CMIP: variants seen among roughly 807,000 people sequenced by gnomAD.
CMIP encodes the protein C-Maf-inducing protein.
Under a neutral mutation model 97.3 loss-of-function variants are expected in CMIP, and 13 were observed. The ratio of observed to expected loss-of-function variants is 0.13; its 90% CI spans 0.09 to 0.21. The LOEUF is 0.21. CMIP is among the 10% of genes least tolerant of loss of function. The pLI is 1.00. For missense variants in CMIP, 847 were observed against 1,024.9 expected (o/e 0.83, Z 2.37); for synonymous variants, 538 against 436.3 (o/e 1.23, Z -2.91).
At chr16:81,615,960 C>T (rs1481127929) in intron 2 of CMIP, among the ~76,000 whole-genome samples, 1 of 151,538 alleles carries the variant, frequency 6.6e-6, no homozygotes, top group Non-Finnish European at 1.5e-5. Context: ...CCAGCCTAAA[C>T]GGGGGTGGGG....
intron 1 of CMIP, among the ~76,000 whole-genome samples, chr16:81,485,633 G>T (rs747948001): frequency 6.6e-6 from 1 of 152,208 alleles, no homozygotes; most frequent in Non-Finnish European, 1.5e-5. Context: ...GTATGTTTAC[G>T]CAGCCCGTGG....
At chr16:81,578,322 A>T (rs1187283599) in intron 1 of CMIP, among the ~76,000 whole-genome samples, 1 of 152,252 alleles carries the variant, frequency 6.6e-6, no homozygotes, top group African/African-American at 2.4e-5. Context: ...GACACTGCAT[A>T]TAAGGTCTCT....
intron 3 of CMIP, among the ~76,000 whole-genome samples, chr16:81,650,329 A>T (rs1055710931): frequency 3.9e-5 from 6 of 152,086 alleles, no homozygotes; most frequent in Non-Finnish European, 5.9e-5. Context: ...CTAATTCTTG[A>T]TGTGCAATGG....
chr16:81,530,883 G>T (rs1181663366), intron 1 of CMIP, among the ~76,000 whole-genome samples: 1 of 152,192 alleles, frequency 6.6e-6, no homozygotes, highest in African/African-American at 2.4e-5. Flanking sequence ...GTCCCAGGGA[G>T]AATAATTGGA....
intron 1 of CMIP, among the ~76,000 whole-genome samples, chr16:81,485,748 C>T (rs1483949842): frequency 6.6e-6 from 1 of 152,230 alleles, no homozygotes; most frequent in African/African-American, 2.4e-5. Flanking sequence ...TTTTCATAGA[C>T]AGGGAACAAC....
intron 11 of CMIP, 97 bp from the exon 12 acceptor site, chr16:81,693,061 C>A: frequency 3.6e-6 from 3 of 840,768 alleles, no homozygotes; most frequent in Non-Finnish European, 5.9e-6. Flanking sequence ...TTGAATCAGA[C>A]ATAAAGTCTA....
intron 20 of CMIP, among the ~76,000 whole-genome samples, chr16:81,708,489 T>C (rs1345777879): frequency 6.6e-6 from 1 of 152,224 alleles, no homozygotes; most frequent in Non-Finnish European, 1.5e-5. Context: ...GAAAGGCCCC[T>C]TGGGAAGAAA....
chr16:81,458,056 G>A (rs76919977), intron 1 of CMIP, among the ~76,000 whole-genome samples: 3,168 of 152,338 alleles, frequency 0.021, 35 homozygotes, highest in Non-Finnish European at 0.033. Context: ...GGAGAAATTA[G>A]CATTAGAAAG....
At chr16:81,541,510 A>G (rs778465524) in intron 1 of CMIP, among the ~76,000 whole-genome samples, 11 of 152,202 alleles carry the variant, frequency 7.2e-5, no homozygotes, top group Non-Finnish European at 1.5e-4. Context: ...CGCTTCTTCC[A>G]TGAGTTGAGC....
At chr16:81,450,281 G>A (rs1180836199) in intron 1 of CMIP, among the ~76,000 whole-genome samples, 1 of 152,222 alleles carries the variant, frequency 6.6e-6, no homozygotes, top group African/African-American at 2.4e-5. Flanking sequence ...ATGAGATTAG[G>A]TGAGGCAGCC....
At chr16:81,450,309 T>C (rs535567287) in intron 1 of CMIP, among the ~76,000 whole-genome samples, 1 of 152,340 alleles carries the variant, frequency 6.6e-6, no homozygotes, top group East Asian at 1.9e-4. Context: ...GGGCATCTCC[T>C]CTGTGGGGGA....
intron 1 of CMIP, among the ~76,000 whole-genome samples, chr16:81,547,988 T>A (rs2090580931): frequency 6.6e-6 from 1 of 152,234 alleles, no homozygotes; most frequent in Non-Finnish European, 1.5e-5. Context: ...CCGGCAATCA[T>A]GTCATGCTGT....
At chr16:81,578,205 A>G (rs887461668) in intron 1 of CMIP, among the ~76,000 whole-genome samples, 2 of 151,464 alleles carry the variant, frequency 1.3e-5, no homozygotes, top group Non-Finnish European at 3.0e-5. Flanking sequence ...CACCATCACC[A>G]TCATCACCAC....
chr16:81,509,796 A>C (rs1368478307), intron 1 of CMIP, among the ~76,000 whole-genome samples: 1 of 152,186 alleles, frequency 6.6e-6, no homozygotes, highest in South Asian at 2.1e-4. Context: ...ACTGGGACCC[A>C]GACCCCTCAG....
intron 13 of CMIP, among the ~76,000 whole-genome samples, chr16:81,695,258 C>A (rs938206888): frequency 1.3e-5 from 2 of 152,224 alleles, no homozygotes; most frequent in Non-Finnish European, 2.9e-5. Flanking sequence ...CTTCTTTCTC[C>A]CTTCCCTTCT....
intron 10 of CMIP, among the ~76,000 whole-genome samples, chr16:81,685,991 C>G (rs1288256886): frequency 6.6e-6 from 1 of 152,216 alleles, no homozygotes; most frequent in African/African-American, 2.4e-5. Flanking sequence ...GTTCAGATCC[C>G]AGCTCTCACC....
chr16:81,544,227 G>A (rs746161121), intron 1 of CMIP, among the ~76,000 whole-genome samples: 2 of 152,232 alleles, frequency 1.3e-5, no homozygotes, highest in African/African-American at 2.4e-5. Context: ...TCATGTGCAC[G>A]CATCCCTTTT....
intron 8 of CMIP, among the ~76,000 whole-genome samples, chr16:81,671,143 A>T (rs2062006570): frequency 6.6e-6 from 1 of 152,122 alleles, no homozygotes; most frequent in African/African-American, 2.4e-5. Context: ...CTCATGTTTT[A>T]AGAAAATCAC....
rs1906792268 is a variant in CMIP, at chr16:81,696,896, A to G, written c.1638+229A>G. 4 of 579,514 alleles carry G rather than the reference A, an allele frequency of 6.9e-6. No homozygotes were observed. The South Asian group carries it at 8.2e-5, about 12-fold the overall frequency. The allele number at this position is 579,514 out of a possible 1,614,324, so 35.9% of individuals were successfully genotyped here. On this transcript the variant is annotated intron_variant, in intron 14 of 20. Transcript: ENST00000537098. The stretch of plus-strand genomic sequence containing the variant: ...CCAAGCACTTGGCTTTCCCAGTTGC[A>G]CTCAGCTCTCACAGCACAGTGAGAA...
Sources: allele counts gnomAD v4.1 joint callset (sites outside exome capture counted in the v4.1 genomes callset), GRCh38; gene constraint gnomAD v4.1.1; transcripts MANE v1.5; gene names NCBI Gene and HGNC (gene_info 2026-07-23, HGNC 2026-07-21).